KCNMA1: variants seen among roughly 807,000 people sequenced by gnomAD.
KCNMA1 encodes the protein potassium calcium-activated channel subfamily M alpha 1, also known as Calcium-activated potassium channel subunit alpha-1.
Under a neutral mutation model 140.0 loss-of-function variants are expected in KCNMA1, and 29 were observed. The observed-to-expected ratio is 0.21, with a 90% confidence interval of 0.15 to 0.28. The LOEUF (loss-of-function observed/expected upper bound fraction) is 0.28, where lower values mean the gene tolerates loss of function less well. KCNMA1 is among the 10% of genes least tolerant of loss of function. The pLI, the probability that KCNMA1 is intolerant of heterozygous loss-of-function variation, is 1.00. For synonymous variants in KCNMA1, 612 were observed against 611.9 expected (o/e 1.00, Z 0.00); for missense variants, 880 against 1,602.2 (o/e 0.55, Z 7.70).
At chr10:77,555,500 C>T (rs1256686733) in intron 1 of KCNMA1, among the ~76,000 whole-genome samples, 2 of 152,164 alleles carry the variant, frequency 1.3e-5, no homozygotes. Flanking sequence ...TTCAGCATCA[C>T]CTATTTTTTC....
intron 1 of KCNMA1, among the ~76,000 whole-genome samples, chr10:77,461,000 G>A (rs2097856191): frequency 6.6e-6 from 1 of 152,118 alleles, no homozygotes; most frequent in Non-Finnish European, 1.5e-5. Context: ...CAGCTCCTTG[G>A]GAGGCTGAGG....
intron 5 of KCNMA1, among the ~76,000 whole-genome samples, chr10:77,169,307 C>A (rs2098676937): frequency 6.6e-6 from 1 of 151,980 alleles, no homozygotes; most frequent in Non-Finnish European, 1.5e-5. Context: ...GCAAACAGGG[C>A]TGGAGAAGAA....
intron 1 of KCNMA1, among the ~76,000 whole-genome samples, chr10:77,578,430 T>C (rs904112818): frequency 2.0e-5 from 3 of 152,044 alleles, no homozygotes; most frequent in African/African-American, 7.2e-5. Flanking sequence ...ATCTCACAGA[T>C]CTCAAAAAGG....
intron 1 of KCNMA1, among the ~76,000 whole-genome samples, chr10:77,620,254 G>A (rs1603638772): frequency 6.6e-6 from 1 of 152,178 alleles, no homozygotes. Context: ...CAGAGGCTGG[G>A]CCTGGCCGCC....
chr10:77,292,201 C>T (rs761965370), intron 2 of KCNMA1, among the ~76,000 whole-genome samples: 13 of 152,142 alleles, frequency 8.5e-5, no homozygotes, highest in South Asian at 2.1e-4. Context: ...GAGACCCCGC[C>T]GGGCCTCAGG....
At chr10:77,316,378 A>G (rs1056693265) in intron 2 of KCNMA1, among the ~76,000 whole-genome samples, 1 of 152,180 alleles carries the variant, frequency 6.6e-6, no homozygotes, top group Non-Finnish European at 1.5e-5. Context: ...GAAGTCAGCA[A>G]TTTGGTTTAC....
At chr10:77,587,604 G>A (rs576991986) in intron 1 of KCNMA1, among the ~76,000 whole-genome samples, 21 of 152,288 alleles carry the variant, frequency 1.4e-4, no homozygotes, top group African/African-American at 3.1e-4. Flanking sequence ...TCAGCAGAGT[G>A]GACTTTCTGT....
intron 19 of KCNMA1, among the ~76,000 whole-genome samples, chr10:76,993,174 G>A (rs2083267291): frequency 6.6e-6 from 1 of 152,200 alleles, no homozygotes; most frequent in Non-Finnish European, 1.5e-5. Flanking sequence ...CAGCAGGTGA[G>A]AGCTGCCTGC....
chr10:77,378,729 A>T (rs184652466), intron 2 of KCNMA1, among the ~76,000 whole-genome samples: 2 of 152,250 alleles, frequency 1.3e-5, no homozygotes, highest in African/African-American at 4.8e-5. Context: ...AGCAGAAGGC[A>T]GAGCACCTTG....
intron 19 of KCNMA1, chr10:76,975,251 C>T (rs1486394066): frequency 6.6e-6 from 1 of 152,166 alleles, no homozygotes; most frequent in Non-Finnish European, 1.5e-5. Flanking sequence ...CCCAAGCTGA[C>T]CTAAGCTCTC....
intron 12 of KCNMA1, 130 bp from the exon 13 acceptor site, chr10:77,079,680 G>A (rs71475632): frequency 5.6e-6 from 4 of 720,448 alleles, no homozygotes; most frequent in Non-Finnish European, 1.0e-5. Context: ...GATTCCAGAG[G>A]CAGGGCTCAG....
intron 22 of KCNMA1, among the ~76,000 whole-genome samples, chr10:76,948,253 G>A (rs982219002): frequency 7.9e-5 from 12 of 152,102 alleles, no homozygotes; most frequent in African/African-American, 1.9e-4. Flanking sequence ...TGGTCCTCCC[G>A]CCTCAGCATC....
chr10:76,914,533 T>G (rs559581426), intron 24 of KCNMA1: 1 of 332,498 alleles, frequency 3.0e-6, no homozygotes, highest in East Asian at 6.7e-5. Flanking sequence ...CGAGGCTTTG[T>G]ATATCAGTGG....
intron 17 of KCNMA1, among the ~76,000 whole-genome samples, chr10:77,012,963 T>C (rs2091185712): frequency 6.6e-6 from 1 of 152,192 alleles, no homozygotes; most frequent in South Asian, 2.1e-4. Context: ...CTTTCAGTAC[T>C]GGGGAGGTGA....
intron 1 of KCNMA1, among the ~76,000 whole-genome samples, chr10:77,492,697 T>C (rs968109944): frequency 2.0e-5 from 3 of 152,216 alleles, no homozygotes; most frequent in African/African-American, 7.2e-5. Context: ...CGTCAGTCTG[T>C]GCCTCAGTCT....
At chr10:77,375,358 T>C (rs2095022662) in intron 2 of KCNMA1, among the ~76,000 whole-genome samples, 1 of 152,154 alleles carries the variant, frequency 6.6e-6, no homozygotes, top group Non-Finnish European at 1.5e-5. Flanking sequence ...CAGCTGGCCG[T>C]ATTACCCCTA....
intron 14 of KCNMA1, among the ~76,000 whole-genome samples, chr10:77,040,266 A>G (rs1252781018): frequency 6.6e-6 from 1 of 152,130 alleles, no homozygotes; most frequent in Non-Finnish European, 1.5e-5. Context: ...TGTTTTGAAG[A>G]GCAATTTTGC....
At chr10:77,354,956 G>A (rs564917455) in intron 2 of KCNMA1, among the ~76,000 whole-genome samples, 1 of 152,312 alleles carries the variant, frequency 6.6e-6, no homozygotes, top group African/African-American at 2.4e-5. Flanking sequence ...ATTTGATATG[G>A]TTTGGCTCTG....
intron 9 of KCNMA1, 119 bp from the exon 10 acceptor site, chr10:77,090,629 G>T: frequency 1.4e-6 from 1 of 728,524 alleles, no homozygotes. Context: ...TCCTCCCTCC[G>T]CCTCCATAAA....
Sources: gnomAD v4.1 joint callset for allele counts (sites outside exome capture counted in the v4.1 genomes callset) on GRCh38, gnomAD v4.1.1 for gene constraint, MANE v1.5 for transcripts, NCBI Gene and HGNC (gene_info 2026-07-23, HGNC 2026-07-21) for gene names.